DYM: variants seen among roughly 807,000 people sequenced by gnomAD.
The protein encoded by DYM is dymeclin.
In DYM, 78 loss-of-function variants were observed where a neutral mutation model predicts 93.1. The ratio of observed to expected loss-of-function variants is 0.84; its 90% confidence interval spans 0.70 to 1.01. The LOEUF is 1.01. Ranked by LOEUF, DYM falls within the 50% of genes least tolerant of loss-of-function variation. The pLI is 0.00. For missense variants in DYM, 789 were observed against 845.0 expected (o/e 0.93, Z 0.82); for synonymous variants, 321 against 319.7 (o/e 1.00, Z -0.04).
chr18:49,386,646 A>G (rs2068653323), intron 3 of DYM, among the ~76,000 whole-genome samples: 1 of 152,198 alleles, frequency 6.6e-6, no homozygotes, highest in South Asian at 2.1e-4. Context: ...GAAATACATG[A>G]TGACTAGATG....
rs1014737502 is a variant in DYM at position 49,325,343 on chromosome 18, CTA to C, written c.763+6519_763+6520del. Among the ~76,000 whole-genome samples the C allele has an allele frequency of 5.1e-4, 78 of 152,274 alleles. 1 individual carries two copies. The highest frequency in any genetic ancestry group is 3.4e-3 in the Middle Eastern group (1 of 294). On this transcript the variant is annotated intron_variant, in intron 8 of 17. Transcript: ENST00000675505. ...TCTATAAAAAACAGTCAAAAAATCC[CTA>C]GTTACATTCACTTTTGTTGTTATTT...
At chr18:49,139,959 C>G (rs367710524) in intron 15 of DYM, among the ~76,000 whole-genome samples, 3 of 152,154 alleles carry the variant, frequency 2.0e-5, no homozygotes, top group African/African-American at 7.2e-5. Flanking sequence ...ATCCTGCTGG[C>G]TTTCTCTCTT....
At chr18:49,260,376 C>A (rs889257161) in intron 11 of DYM, among the ~76,000 whole-genome samples, 2 of 152,122 alleles carry the variant, frequency 1.3e-5, no homozygotes, top group Non-Finnish European at 2.9e-5. Context: ...AGAGTGAGCA[C>A]TATGGAAAAT....
intron 14 of DYM, among the ~76,000 whole-genome samples, chr18:49,181,526 A>T (rs2089923918): frequency 6.6e-6 from 1 of 152,188 alleles, no homozygotes; most frequent in South Asian, 2.1e-4. Flanking sequence ...GAATATTGGC[A>T]TGATACTTAC....
intron 4 of DYM, 68 bp downstream of exon 4, chr18:49,379,597 T>C: frequency 1.6e-6 from 2 of 1,265,914 alleles, no homozygotes; most frequent in Admixed American, 3.4e-5. Context: ...TCCATTTCCA[T>C]CAATAAATGA....
intron 13 of DYM, among the ~76,000 whole-genome samples, chr18:49,222,386 C>T (rs2093396069): frequency 2.6e-5 from 4 of 152,134 alleles, no homozygotes; most frequent in South Asian, 4.2e-4. Context: ...CTACCAACAA[C>T]GTTGTGGCTT....
Position 49,041,658 on chromosome 18 carries a change from G to A in DYM, c.*2397C>T, listed in dbSNP as rs531335355. 1.7e-4 allele frequency: 26 copies of A among 152,362 alleles called. No individual in the cohort carries two copies. The highest frequency in any genetic ancestry group is 5.8e-4 in the African/African-American group (24 of 41,578). The allele number at this position is 152,362 out of a possible 1,614,324, so 9.4% of individuals were successfully genotyped here. Reference sequence around the variant, plus strand: ...TGGAGGCTGCTGCCCCAGCTGAGCTGTTAGCTAGTGAGTGCTTCTACTGTG... The same window carrying A: ...TGGAGGCTGCTGCCCCAGCTGAGCTATTAGCTAGTGAGTGCTTCTACTGTG... On this transcript the variant is annotated 3_prime_UTR_variant, in exon 18 of 18. Coordinates refer to ENST00000675505, the MANE Select transcript of DYM (RefSeq NM_001353214.3).
chr18:49,361,705 TA>T (rs544301748), intron 6 of DYM, among the ~76,000 whole-genome samples: 12 of 151,980 alleles, frequency 7.9e-5, no homozygotes, highest in African/African-American at 2.9e-4. Flanking sequence ...GGGGACAATA[TA>T]TTTTTTTAAT....
At chr18:49,302,477 A>G (rs908509102) in intron 8 of DYM, among the ~76,000 whole-genome samples, 2 of 152,262 alleles carry the variant, frequency 1.3e-5, no homozygotes, top group Non-Finnish European at 2.9e-5. Context: ...CATAATTAAT[A>G]TAACTATGCA....
chr18:49,448,989 C>A (rs1307193582), intron 1 of DYM, among the ~76,000 whole-genome samples: 1 of 152,194 alleles, frequency 6.6e-6, no homozygotes, highest in Admixed American at 6.5e-5. Context: ...TGTCCCAGCC[C>A]TTCAAGTCCC....
intron 13 of DYM, among the ~76,000 whole-genome samples, chr18:49,237,848 T>C (rs957526711): frequency 2.6e-5 from 4 of 152,016 alleles, no homozygotes; most frequent in Non-Finnish European, 2.9e-5. Context: ...TATTATTTCA[T>C]ATCTTGTATT....
chr18:49,433,376 C>G (rs1294501822), intron 1 of DYM, among the ~76,000 whole-genome samples: 2 of 152,112 alleles, frequency 1.3e-5, no homozygotes, highest in Non-Finnish European at 2.9e-5. Flanking sequence ...CTAAATTCAA[C>G]AGTAATCAAC....
At chr18:49,267,582 T>C (rs779135472) in intron 11 of DYM, among the ~76,000 whole-genome samples, 1 of 152,178 alleles carries the variant, frequency 6.6e-6, no homozygotes, top group Non-Finnish European at 1.5e-5. Context: ...GTGATAGAAA[T>C]ATTCTATACC....
At chr18:49,317,636 A>ATCCTCTCCTC (rs139998820) in intron 8 of DYM, among the ~76,000 whole-genome samples, 1 of 39,114 alleles carries the variant, frequency 2.6e-5, no homozygotes, top group Non-Finnish European at 4.4e-5. Context: ...TCCCTCTCCT[A>ATCCTCTCCTC]TCCTCTCCTC....
At chr18:49,107,565 C>T (rs987237207) in intron 16 of DYM, among the ~76,000 whole-genome samples, 11 of 152,236 alleles carry the variant, frequency 7.2e-5, no homozygotes, top group African/African-American at 2.6e-4. Flanking sequence ...TGATGATGGT[C>T]ATGTACAGAT....
intron 7 of DYM, among the ~76,000 whole-genome samples, chr18:49,333,289 C>T (rs1022022403): frequency 2.0e-5 from 3 of 152,106 alleles, no homozygotes; most frequent in African/African-American, 7.2e-5. Flanking sequence ...TATTTGCAGG[C>T]TCAAAGAAGT....
At chr18:49,324,950 G>A (rs1346010067) in intron 8 of DYM, among the ~76,000 whole-genome samples, 1 of 152,130 alleles carries the variant, frequency 6.6e-6, no homozygotes, top group Non-Finnish European at 1.5e-5. Flanking sequence ...AACTTGGTAA[G>A]GTCATGCTGA....
Position 49,430,303 on chromosome 18 carries a change from G to A in DYM, c.92C>T (p.Pro31Leu), listed in dbSNP as rs766641047. Residue 31 changes from proline to leucine, a missense_variant, in exon 2 of 18, where the codon CCG (proline) becomes CTG (leucine). Physicochemically the swap from Pro to Leu is moderately conservative, Grantham distance 98 (BLOSUM62 -3). Transcript: ENST00000675505. ...AAATGAGAGAAGCTGATTCCAGAACGGGTCATTCTCAGAGATAGATTCCGT... is the reference window on the plus strand; with the variant it reads ...AAATGAGAGAAGCTGATTCCAGAACAGGTCATTCTCAGAGATAGATTCCGT... Reference protein sequence around the residue: ...SGTESISENDPFWNQLLSFSF... With the variant: ...SGTESISENDLFWNQLLSFSF... The A allele has an allele frequency of 1.2e-6, 2 of 1,613,880 alleles. No homozygotes were observed. Among genetic ancestry groups the A allele is most frequent in the Non-Finnish European group, 1.7e-6 (2 of 1,179,978 alleles).
At chr18:49,211,588 C>T (rs774342259) in intron 13 of DYM, among the ~76,000 whole-genome samples, 1 of 152,160 alleles carries the variant, frequency 6.6e-6, no homozygotes, top group Non-Finnish European at 1.5e-5. Context: ...CACAAACGAA[C>T]AATCCATTCA....
Sources: gnomAD v4.1 joint callset for allele counts (sites outside exome capture counted in the v4.1 genomes callset) on GRCh38, gnomAD v4.1.1 for gene constraint, MANE v1.5 for transcripts, NCBI Gene and HGNC (gene_info 2026-07-23, HGNC 2026-07-21) for gene names.